SEMA6D: variants seen among roughly 807,000 people sequenced by gnomAD.
SEMA6D encodes semaphorin-6D.
Under a neutral mutation model 106.6 loss-of-function variants are expected in SEMA6D, and 35 were observed. That is an observed-to-expected ratio of 0.33 (90% confidence interval 0.25 to 0.44). SEMA6D has a LOEUF of 0.44. SEMA6D is among the 20% of genes least tolerant of loss of function. The pLI is 1.00. For synonymous variants in SEMA6D, 499 were observed against 487.7 expected (o/e 1.02, Z -0.31); for missense variants, 1,185 against 1,345.9 (o/e 0.88, Z 1.87).
intron 1 of SEMA6D, among the ~76,000 whole-genome samples, chr15:47,382,881 T>C (rs1334330439): frequency 6.6e-6 from 1 of 152,198 alleles, no homozygotes; most frequent in Non-Finnish European, 1.5e-5. Context: ...GACTCTCCTG[T>C]CTCAGCCTCC....
intron 3 of SEMA6D, among the ~76,000 whole-genome samples, chr15:47,594,273 C>G (rs530508666): frequency 3.9e-5 from 6 of 152,286 alleles, no homozygotes; most frequent in African/African-American, 1.4e-4. Context: ...GCCCTGGTCC[C>G]AGGTTTGGTT....
At chr15:47,371,398 G>A (rs1486074714) in intron 1 of SEMA6D, among the ~76,000 whole-genome samples, 3 of 152,314 alleles carry the variant, frequency 2.0e-5, no homozygotes, top group Middle Eastern at 3.4e-3. Context: ...TCAAACTAAT[G>A]TGTCTGCTAA....
chr15:47,600,475 T>C (rs1009292450), intron 3 of SEMA6D, among the ~76,000 whole-genome samples: 2 of 152,156 alleles, frequency 1.3e-5, no homozygotes, highest in Non-Finnish European at 1.5e-5. Context: ...CTCTTATCTG[T>C]AGAAGAAGAT....
rs543568056 is a variant in SEMA6D at position 47,445,781 on chromosome 15, T to A, written c.-158-24693T>A. On this transcript the variant is annotated intron_variant, in intron 2 of 19. Coordinates refer to the SEMA6D transcript ENST00000558014. Reference sequence around the variant, plus strand: ...ACATGGTATTTTAGAAGTCAAGGCATGTCCTCCCCCTCAGCATATGTTCAT... The same window carrying A: ...ACATGGTATTTTAGAAGTCAAGGCAAGTCCTCCCCCTCAGCATATGTTCAT... Among the ~76,000 whole-genome samples, 4 of 152,030 alleles carry A rather than the reference T, an allele frequency of 2.6e-5. No individual in the cohort carries two copies. In the East Asian group the frequency reaches 7.8e-4, roughly 30 times the overall value.
intron 1 of SEMA6D, among the ~76,000 whole-genome samples, chr15:47,352,942 A>G (rs2038383737): frequency 6.6e-6 from 1 of 152,194 alleles, no homozygotes; most frequent in East Asian, 1.9e-4. Context: ...CACAGTTTGG[A>G]TACTGGGACC....
intron 7 of SEMA6D, 147 bp downstream of exon 7, chr15:47,761,898 AAAAG>A (rs1567095812): frequency 1.3e-6 from 1 of 740,780 alleles, no homozygotes; most frequent in Non-Finnish European, 2.1e-6. Flanking sequence ...AATTTCCAAA[AAAAG>A]AAGAAATTAA....
At chr15:47,430,269 A>G (rs2041479542) in intron 2 of SEMA6D, among the ~76,000 whole-genome samples, 1 of 152,066 alleles carries the variant, frequency 6.6e-6, no homozygotes, top group African/African-American at 2.4e-5. Context: ...TTTTGTTAGC[A>G]TAGGAATCTA....
intron 1 of SEMA6D, among the ~76,000 whole-genome samples, chr15:47,233,235 T>C (rs1363087127): frequency 6.6e-6 from 1 of 152,018 alleles, no homozygotes; most frequent in African/African-American, 2.4e-5. Context: ...ACATATTTCA[T>C]TGAGAATCAG....
At chr15:47,545,102 C>A (rs909811011) in intron 3 of SEMA6D, among the ~76,000 whole-genome samples, 1 of 152,042 alleles carries the variant, frequency 6.6e-6, no homozygotes. Context: ...CAAATCTACA[C>A]CTTAGAACTT....
intron 4 of SEMA6D, among the ~76,000 whole-genome samples, chr15:47,642,442 A>G (rs534799757): frequency 2.0e-5 from 3 of 151,428 alleles, no homozygotes; most frequent in East Asian, 3.9e-4. Flanking sequence ...AAACAGATGC[A>G]CACACACACA....
At chr15:47,650,365 G>T (rs1208231772) in intron 4 of SEMA6D, among the ~76,000 whole-genome samples, 1 of 152,126 alleles carries the variant, frequency 6.6e-6, no homozygotes. Context: ...CCAAGAAACC[G>T]CTATAACTAT....
intron 2 of SEMA6D, among the ~76,000 whole-genome samples, chr15:47,425,713 C>T (rs537717376): frequency 2.1e-4 from 32 of 150,884 alleles, no homozygotes; most frequent in Non-Finnish European, 3.2e-4. Flanking sequence ...CTCTGTTACC[C>T]GGGCTGGAGT....
intron 4 of SEMA6D, among the ~76,000 whole-genome samples, chr15:47,690,822 A>G (rs2078570745): frequency 6.6e-6 from 1 of 152,154 alleles, no homozygotes; most frequent in African/African-American, 2.4e-5. Flanking sequence ...GCAATTTTAA[A>G]CCTTAAAAAG....
At chr15:47,261,992 A>G (rs966142628) in intron 1 of SEMA6D, among the ~76,000 whole-genome samples, 3 of 152,142 alleles carry the variant, frequency 2.0e-5, no homozygotes, top group African/African-American at 7.2e-5. Flanking sequence ...AAACAATCTT[A>G]TACAGCATCA....
intron 4 of SEMA6D, chr15:47,606,135 G>T (rs1022263291): frequency 6.6e-6 from 1 of 152,084 alleles, no homozygotes; most frequent in Non-Finnish European, 1.5e-5. Flanking sequence ...CAGAGGGGTG[G>T]TGCAGGGTAG....
At chr15:47,462,989 C>T (rs1036108056) in intron 2 of SEMA6D, among the ~76,000 whole-genome samples, 10 of 151,882 alleles carry the variant, frequency 6.6e-5, no homozygotes, top group African/African-American at 2.2e-4. Flanking sequence ...CATAAAGAGA[C>T]GTAGCTACAA....
rs72733869 is a variant in SEMA6D at position 47,554,398 on chromosome 15, G to T, written c.-86-46467G>T. Among the ~76,000 whole-genome samples, 560 of 152,254 alleles carry T rather than the reference G, an allele frequency of 3.7e-3. 7 individuals carry two copies. The highest frequency in any genetic ancestry group is 0.013 in the African/African-American group (547 of 41,552). ...CTAAGTGAATGAGTGCAGTTCACAA[G>T]TACAGTGCTACAGACCCAACGGTGG... On this transcript the variant is annotated intron_variant, in intron 3 of 19. Transcript: ENST00000558014.
chr15:47,474,977 A>T (rs1054284618), intron 3 of SEMA6D, among the ~76,000 whole-genome samples: 1 of 152,184 alleles, frequency 6.6e-6, no homozygotes, highest in African/African-American at 2.4e-5. Flanking sequence ...GTCTCCTTCA[A>T]CTTGGATCCT....
chr15:47,343,777 T>C (rs1357978826), intron 1 of SEMA6D, among the ~76,000 whole-genome samples: 2 of 152,140 alleles, frequency 1.3e-5, no homozygotes, highest in Non-Finnish European at 2.9e-5. Flanking sequence ...TACCCAGTAA[T>C]GGGATGGCTG....
Sources: allele counts gnomAD v4.1 joint callset (sites outside exome capture counted in the v4.1 genomes callset), GRCh38; gene constraint gnomAD v4.1.1; transcripts MANE v1.5; gene names NCBI Gene and HGNC (gene_info 2026-07-23, HGNC 2026-07-21).